DKK2: variants seen among roughly 807,000 people sequenced by gnomAD.
The protein encoded by DKK2 is dickkopf-related protein 2.
In DKK2, 11 loss-of-function variants were observed where a neutral mutation model predicts 28.1. The observed-to-expected ratio is 0.39, with a 90% CI of 0.25 to 0.65. The LOEUF is 0.65. Among genes scored for constraint, DKK2 ranks in the 30% least tolerant of loss-of-function variants. The pLI is 0.47. For synonymous variants in DKK2, 135 were observed against 126.5 expected (o/e 1.07, Z -0.45); for missense variants, 326 against 335.5 (o/e 0.97, Z 0.22).
At chr4:106,925,735 T>C in intron 2 of DKK2, 64 bp downstream of exon 2, 1 of 1,534,496 alleles carries the variant, frequency 6.5e-7, no homozygotes, top group Non-Finnish European at 8.7e-7. Flanking sequence ...ATAGCCTGAC[T>C]TGAGAGACAG....
At chr4:107,035,109 C>T (rs1723941965) in intron 1 of DKK2, among the ~76,000 whole-genome samples, 1 of 152,170 alleles carries the variant, frequency 6.6e-6, no homozygotes, top group Middle Eastern at 3.2e-3. Flanking sequence ...CAGGAAAGCA[C>T]TAGATCTTGA....
chr4:106,927,402 G>A (rs975990799), intron 1 of DKK2, among the ~76,000 whole-genome samples: 1 of 152,134 alleles, frequency 6.6e-6, no homozygotes, highest in African/African-American at 2.4e-5. Flanking sequence ...GTACGAGTCT[G>A]AGAGATAAAA....
chr4:107,008,368 G>A (rs1256495310), intron 1 of DKK2, among the ~76,000 whole-genome samples: 1 of 151,962 alleles, frequency 6.6e-6, no homozygotes, highest in East Asian at 1.9e-4. Context: ...ATTTAGAACA[G>A]CAATAATTAT....
intron 1 of DKK2, among the ~76,000 whole-genome samples, chr4:106,978,772 G>T (rs1477600404): frequency 6.6e-6 from 1 of 151,604 alleles, no homozygotes; most frequent in Non-Finnish European, 1.5e-5. Context: ...TGGCGTTCCG[G>T]GTGCCACTGG....
intron 1 of DKK2, among the ~76,000 whole-genome samples, chr4:107,008,189 T>G (rs1723464398): frequency 6.6e-6 from 1 of 152,162 alleles, no homozygotes; most frequent in Admixed American, 6.5e-5. Flanking sequence ...GAGAGGGACC[T>G]TAAAAATGTA....
At chr4:106,990,678 T>G (rs954086613) in intron 1 of DKK2, among the ~76,000 whole-genome samples, 1 of 152,112 alleles carries the variant, frequency 6.6e-6, no homozygotes, top group Non-Finnish European at 1.5e-5. Flanking sequence ...ATGTGCTCTC[T>G]CCAAGCACCT....
At chr4:106,999,641 G>T (rs572599526) in intron 1 of DKK2, among the ~76,000 whole-genome samples, 1 of 152,054 alleles carries the variant, frequency 6.6e-6, no homozygotes, top group Non-Finnish European at 1.5e-5. Context: ...CACCGTGCCC[G>T]GCCCTGTATC....
At chr4:107,010,232 C>T (rs1339694319) in intron 1 of DKK2, among the ~76,000 whole-genome samples, 2 of 151,656 alleles carry the variant, frequency 1.3e-5, no homozygotes, top group Admixed American at 6.6e-5. Context: ...TTGGTTGAAG[C>T]CTCATCAACT....
In DKK2 at chr4:106,923,927, G is replaced by T. The variant is rs750156654; in HGVS notation, c.*27C>A. 1.9e-6 allele frequency: 3 copies of T among 1,608,922 alleles called. No homozygotes were observed. The African/African-American group carries it at 4.0e-5, about 21-fold the overall frequency. ...CATTAAATACACAACTTCACAGTCT[G>T]CAATTGATGATGTTCCTCAATGGTG... is the stretch of plus-strand genomic sequence containing the variant. On this transcript the variant is annotated 3_prime_UTR_variant, in exon 4 of 4. Coordinates refer to ENST00000285311, the MANE Select transcript of DKK2 (RefSeq NM_014421.3).
intron 1 of DKK2, among the ~76,000 whole-genome samples, chr4:106,956,964 C>T (rs1324730345): frequency 6.6e-6 from 1 of 151,568 alleles, no homozygotes; most frequent in African/African-American, 2.4e-5. Context: ...AGTGAACAGG[C>T]AACCTACAAA....
intron 1 of DKK2, among the ~76,000 whole-genome samples, chr4:106,956,705 A>G (rs1722599331): frequency 6.6e-6 from 1 of 152,100 alleles, no homozygotes; most frequent in South Asian, 2.1e-4. Context: ...CCATATGTAG[A>G]AAGCTGAAGC....
At chr4:106,987,050 T>TA (rs1285567454) in intron 1 of DKK2, among the ~76,000 whole-genome samples, 1 of 152,248 alleles carries the variant, frequency 6.6e-6, no homozygotes, top group East Asian at 1.9e-4. Context: ...ATTTTTTAAT[T>TA]AAATAATTGC....
intron 1 of DKK2, among the ~76,000 whole-genome samples, chr4:106,950,711 T>C (rs1389857788): frequency 6.6e-6 from 1 of 152,186 alleles, no homozygotes; most frequent in Non-Finnish European, 1.5e-5. Context: ...TTACTCCAAT[T>C]ATTATTTCTT....
At chr4:106,945,293 TATATAGAA>T (rs1456527498) in intron 1 of DKK2, among the ~76,000 whole-genome samples, 1 of 152,154 alleles carries the variant, frequency 6.6e-6, no homozygotes, top group East Asian at 1.9e-4. Context: ...ATGATTTTCT[TATATAGAA>T]ATGTTAATAA....
intron 1 of DKK2, among the ~76,000 whole-genome samples, chr4:107,020,049 A>T (rs1723667919): frequency 6.6e-6 from 1 of 152,038 alleles, no homozygotes; most frequent in South Asian, 2.1e-4. Flanking sequence ...ACTATTCTTT[A>T]TTGATTTCTA....
chr4:107,035,871 G>T lies in DKK2; in HGVS notation c.-280C>A. On this transcript the variant is annotated 5_prime_UTR_variant, in exon 1 of 4. Coordinates refer to ENST00000285311, the MANE Select transcript of DKK2 (RefSeq NM_014421.3). ...ATGCGAGGCGCTTTCTCGCCAAGGA[G>T]GCGTGACCCAAGGTGCAAGAAAACC... 2.1e-6 allele frequency: 1 copy of T among 487,646 alleles called. No homozygotes were observed. The highest frequency in any genetic ancestry group is 3.7e-6 in the Non-Finnish European group (1 of 268,206). 30.2% of individuals were successfully genotyped at this position (487,646 alleles called of 1,614,324 possible).
At chr4:106,933,960 A>ATGTGTG (rs138368758) in intron 1 of DKK2, among the ~76,000 whole-genome samples, 124 of 146,674 alleles carry the variant, frequency 8.5e-4, no homozygotes, top group Admixed American at 4.1e-4. Context: ...TTTCCTGTAA[A>ATGTGTG]TGTGTGTGTG....
Position 106,931,567 on chromosome 4 carries a change from CTATT to C in DKK2, c.223-5622_223-5619del, listed in dbSNP as rs200021636. On this transcript the variant is annotated intron_variant, in intron 1 of 3. Transcript: ENST00000285311. ...ATTTGATATGAATAAAATAACTTGA[CTATT>C]AATTAAACATTTTCTAAGATAAAAT... 5.5e-4 allele frequency among the ~76,000 whole-genome samples: 84 copies of C among 152,058 alleles called. 1 individual carries two copies. Among genetic ancestry groups the C allele is most frequent in the East Asian group, 5.0e-3 (26 of 5,168 alleles).
intron 1 of DKK2, among the ~76,000 whole-genome samples, chr4:106,998,928 G>T (rs1390007523): frequency 6.6e-6 from 1 of 152,136 alleles, no homozygotes; most frequent in African/African-American, 2.4e-5. Context: ...GCGATAATTT[G>T]TCAGAGGAAC....
Sources: gnomAD v4.1 joint callset for allele counts (sites outside exome capture counted in the v4.1 genomes callset) on GRCh38, gnomAD v4.1.1 for gene constraint, MANE v1.5 for transcripts, NCBI Gene and HGNC (gene_info 2026-07-23, HGNC 2026-07-21) for gene names.